Variants in RASGRF1 observed in about 807,000 individuals in gnomAD.
RASGRF1 encodes Ras protein specific guanine nucleotide releasing factor 1, also known as ras-specific guanine nucleotide-releasing factor 1.
RASGRF1 carries 40 observed loss-of-function variants against 138.7 expected under a neutral mutation model. The ratio of observed to expected loss-of-function variants is 0.29; its 90% CI spans 0.22 to 0.38. RASGRF1 has a LOEUF of 0.38. Among genes scored for constraint, RASGRF1 ranks in the 10% least tolerant of loss-of-function variants. The pLI is 1.00. For missense variants in RASGRF1, 1,108 were observed against 1,650.4 expected (o/e 0.67, Z 5.69); for synonymous variants, 614 against 663.2 (o/e 0.93, Z 1.14).
chr15:79,016,794 G>C (rs1456079012), intron 12 of RASGRF1, among the ~76,000 whole-genome samples: 2 of 152,204 alleles, frequency 1.3e-5, no homozygotes, highest in Non-Finnish European at 2.9e-5. Flanking sequence ...GAGCCTGGAA[G>C]GGGCACAAAA....
At chr15:78,992,429 T>C (rs2056290583) in intron 20 of RASGRF1, among the ~76,000 whole-genome samples, 1 of 152,192 alleles carries the variant, frequency 6.6e-6, no homozygotes, top group Admixed American at 6.5e-5. Context: ...AGGGAAACGT[T>C]AGCCAGAGGA....
At chr15:79,020,448 A>C (rs1776261090) in intron 10 of RASGRF1, among the ~76,000 whole-genome samples, 1 of 152,206 alleles carries the variant, frequency 6.6e-6, no homozygotes, top group Admixed American at 6.5e-5. Context: ...ATAGCCCTAA[A>C]TCTGCAGAGG....
intron 20 of RASGRF1, among the ~76,000 whole-genome samples, chr15:78,993,275 T>C (rs2056316530): frequency 6.8e-6 from 1 of 147,762 alleles, no homozygotes; most frequent in African/African-American, 2.5e-5. Context: ...GTGTGTGTGG[T>C]GTGTGTGTGG....
rs780510603 is a variant in RASGRF1, at chr15:79,004,249, C to T, written c.2076-74G>A. On this transcript the variant is annotated intron_variant, in intron 14 of 26. Transcript: ENST00000558480. The stretch of plus-strand genomic sequence containing the variant: ...CCCGCCTAGGCCTGGGGGCCGTCTC[C>T]GGTGGGGCTCGGAGTGGCAGCAACG... 3.1e-4 allele frequency: 457 copies of T among 1,482,384 alleles called. 1 individual carries two copies. The highest frequency in any genetic ancestry group is 4.2e-4 in the Middle Eastern group (2 of 4,802). The allele number at this position is 1,482,384 out of a possible 1,614,324, so 91.8% of individuals were successfully genotyped here.
At chr15:79,074,565 G>A (rs1204959181) in intron 1 of RASGRF1, among the ~76,000 whole-genome samples, 1 of 152,192 alleles carries the variant, frequency 6.6e-6, no homozygotes, top group Non-Finnish European at 1.5e-5. Context: ...AGGTGCCATG[G>A]GCTGTGTAGA....
rs368203951 is a variant in RASGRF1 at position 79,034,680 on chromosome 15, GA to G, written c.958+450del. 1.2e-3 allele frequency among the ~76,000 whole-genome samples: 170 copies of G among 142,662 alleles called. 1 individual carries two copies. The highest frequency in any genetic ancestry group is 3.8e-3 in the African/African-American group (145 of 38,654). The allele number at this position is 142,662 out of a possible 152,430, so 93.6% of individuals were successfully genotyped here. On this transcript the variant is annotated intron_variant, in intron 6 of 26. Coordinates refer to ENST00000558480, the MANE Select transcript of RASGRF1 (RefSeq NM_001145648.3). Reference sequence around the variant, plus strand: ...GCTTATGGGATAATGCTAAGTAAAAGAAAAAAAAAACAACACACAGCAAGAT... The same window carrying G: ...GCTTATGGGATAATGCTAAGTAAAAGAAAAAAAAACAACACACAGCAAGAT...
In RASGRF1 at chr15:79,012,313, C is replaced by T. The variant is rs117900811; in HGVS notation, c.1826+3014G>A. 7.1e-3 allele frequency among the ~76,000 whole-genome samples: 1,085 copies of T among 152,308 alleles called. 6 individuals carry two copies. The highest frequency in any genetic ancestry group is 0.011 in the Non-Finnish European group (748 of 68,022). On this transcript the variant is annotated intron_variant, in intron 13 of 26. Transcript: ENST00000558480. ...TCCTTCGAGGCCAGCTCTAATGTCC[C>T]ATTCCATAAGAAACCATCCTCAACT...
At chr15:78,998,025 A>C in intron 19 of RASGRF1, 71 bp downstream of exon 19, 1 of 1,348,498 alleles carries the variant, frequency 7.4e-7, no homozygotes, top group East Asian at 2.3e-5. Flanking sequence ...TGACCAGCCC[A>C]CATGGAGGCA....
chr15:79,006,985 C>T lies in RASGRF1; in HGVS notation c.1827-551G>A, dbSNP rs1373762154. Among the ~76,000 whole-genome samples, 1 of 152,118 alleles carries T rather than the reference C, an allele frequency of 6.6e-6. No individual in the cohort carries two copies. The highest frequency in any genetic ancestry group is 6.5e-5 in the Admixed American group (1 of 15,268). On this transcript the variant is annotated intron_variant, in intron 13 of 26. Coordinates refer to ENST00000558480, the MANE Select transcript of RASGRF1 (RefSeq NM_001145648.3). This position sits in a 1 kb window ranked among gnomAD's most constrained non-coding sequence, Gnocchi z 4.0. ...CGAGACTGTGACACTGCCCTCCAGC[C>T]TGGGTGACACAGCGAGACTCTGCCT... is the stretch of plus-strand genomic sequence containing the variant.
intron 1 of RASGRF1, among the ~76,000 whole-genome samples, chr15:79,079,902 C>T (rs1389918489): frequency 6.6e-6 from 1 of 152,252 alleles, no homozygotes; most frequent in Non-Finnish European, 1.5e-5. Flanking sequence ...CCAGGACACA[C>T]CTCCCTGGGA....
At chr15:79,043,910 G>C (rs4778846) in intron 5 of RASGRF1, among the ~76,000 whole-genome samples, 84,419 of 152,084 alleles carry the variant, frequency 0.56, 24,242 homozygotes, top group East Asian at 0.74. Context: ...TGAATTCTTA[G>C]TGTGATAGGG....
At chr15:78,999,157 T>G (rs2056461413) in intron 17 of RASGRF1, among the ~76,000 whole-genome samples, 1 of 152,098 alleles carries the variant, frequency 6.6e-6, no homozygotes, top group African/African-American at 2.4e-5. Context: ...CAGTCTCTGC[T>G]GCAGGATCAA....
At chr15:78,966,811 G>A (rs2055653453) in intron 26 of RASGRF1, among the ~76,000 whole-genome samples, 1 of 152,108 alleles carries the variant, frequency 6.6e-6, no homozygotes, top group Admixed American at 6.6e-5. Context: ...CTGAGCACTT[G>A]AAACAGGGCT....
intron 5 of RASGRF1, among the ~76,000 whole-genome samples, chr15:79,045,452 T>C (rs2057344425): frequency 6.6e-6 from 1 of 152,260 alleles, no homozygotes; most frequent in African/African-American, 2.4e-5. Context: ...AAAGCATTTA[T>C]TGAATGTCTA....
intron 22 of RASGRF1, among the ~76,000 whole-genome samples, chr15:78,988,975 A>G (rs1358254664): frequency 6.6e-6 from 1 of 151,806 alleles, no homozygotes; most frequent in Non-Finnish European, 1.5e-5. Context: ...TAAAAATGTG[A>G]GGACAGCCCC....
intron 16 of RASGRF1, among the ~76,000 whole-genome samples, chr15:79,001,361 G>A (rs1446240873): frequency 1.3e-5 from 2 of 152,190 alleles, no homozygotes; most frequent in East Asian, 3.9e-4. Context: ...TAGATGCTGA[G>A]CCTCCCTGCC....
Position 79,049,503 on chromosome 15 carries a change from A to C in RASGRF1, c.617T>G (p.Ile206Ser). Residue 206 changes from isoleucine to serine, a missense_variant, in exon 4 of 27, where the codon ATT (isoleucine) becomes AGT (serine). Physicochemically the swap from Ile to Ser is moderately radical, Grantham distance 142 (BLOSUM62 -2). This residue lies in a region of RASGRF1 where 253 missense variants were observed against 329.5 expected (regional missense o/e 0.77). Transcript: ENST00000558480. ...CAGAGGGATAGCACTGACCTTCTTA[A>C]TTTTCTTGATGTCGCTGTCTTCATC... ...PNDEDSDIKK[I>S]KKVQSFLRGW... 6.2e-7 allele frequency: 1 copy of C among 1,613,752 alleles called. No individual in the cohort carries two copies. Among genetic ancestry groups the C allele is most frequent in the Non-Finnish European group, 8.5e-7 (1 of 1,179,934 alleles).
intron 13 of RASGRF1, chr15:79,012,401 C>T (rs2056813217): frequency 2.1e-6 from 2 of 956,018 alleles, no homozygotes; most frequent in Non-Finnish European, 3.3e-6. Context: ...TTCCATTTTA[C>T]AGCATGCACT....
At chr15:79,063,258 T>C (rs1215656858) in intron 2 of RASGRF1, among the ~76,000 whole-genome samples, 1 of 152,212 alleles carries the variant, frequency 6.6e-6, no homozygotes, top group African/African-American at 2.4e-5. Context: ...TATTGGTTCA[T>C]ATGTGACAAC....
Sources: gnomAD v4.1 joint callset for allele counts (sites outside exome capture counted in the v4.1 genomes callset) on GRCh38, gnomAD v4.1.1 for gene constraint, gnomAD v4.1.1 regional missense constraint, Gnocchi (gnomAD v3.1) non-coding constraint, MANE v1.5 for transcripts, NCBI Gene and HGNC (gene_info 2026-07-23, HGNC 2026-07-21) for gene names.